The following HCRTR2 variants were observed in gnomAD, a reference collection of about 807,000 sequenced individuals.
The protein encoded by HCRTR2 is orexin receptor type 2.
A neutral mutation model predicts 49.0 loss-of-function variants in HCRTR2; 22 were observed. That is an observed-to-expected ratio of 0.45 (90% CI 0.32 to 0.64). The LOEUF (loss-of-function observed/expected upper bound fraction) is 0.64. HCRTR2 is among the 30% of genes least tolerant of loss of function. HCRTR2 has a pLI of 0.04. For missense variants in HCRTR2, 491 were observed against 559.4 expected, an observed-to-expected ratio of 0.88 and a Z score of 1.23; for synonymous variants, 236 against 205.3, an observed-to-expected ratio of 1.15 and a Z score of -1.28.
chr6:55,281,312 TA>T (rs1338533491), intron 6 of HCRTR2, among the ~76,000 whole-genome samples: 4 of 151,766 alleles, frequency 2.6e-5, no homozygotes, highest in South Asian at 2.1e-4. Context: ...TTGTTCTATT[TA>T]AAAAAAAATC....
chr6:55,147,683 ACTT>A (rs767518538), intron 1 of HCRTR2, among the ~76,000 whole-genome samples: 9 of 152,156 alleles, frequency 5.9e-5, no homozygotes, highest in Admixed American at 2.0e-4. Flanking sequence ...TGGGTTTGAT[ACTT>A]CTTCTTTTTA....
At chr6:55,278,279 T>TA (rs1231756947) in intron 5 of HCRTR2, among the ~76,000 whole-genome samples, 1 of 152,228 alleles carries the variant, frequency 6.6e-6, no homozygotes, top group African/African-American at 2.4e-5. Context: ...TGGTACACAC[T>TA]AAACTTCATG....
intron 1 of HCRTR2, among the ~76,000 whole-genome samples, chr6:55,123,723 C>G (rs1158263968): frequency 3.3e-5 from 5 of 152,174 alleles, no homozygotes; most frequent in African/African-American, 4.8e-5. Context: ...TTTTCTACCT[C>G]TGGTAGAATT....
At chr6:55,280,262 C>T in intron 5 of HCRTR2, 61 bp from the exon 6 acceptor site, 2 of 1,129,186 alleles carry the variant, frequency 1.8e-6, no homozygotes, top group Non-Finnish European at 2.7e-6. Context: ...TACCAATAGC[C>T]TTGTTCACCT....
intron 4 of HCRTR2, among the ~76,000 whole-genome samples, chr6:55,274,884 T>G (rs1767048300): frequency 6.6e-6 from 1 of 152,162 alleles, no homozygotes; most frequent in Admixed American, 6.6e-5. Context: ...TTCTGTACAT[T>G]TCATTAAAAG....
chr6:55,184,768 C>A (rs1223392281), intron 1 of HCRTR2, among the ~76,000 whole-genome samples: 1 of 152,066 alleles, frequency 6.6e-6, no homozygotes, highest in Non-Finnish European at 1.5e-5. Flanking sequence ...TTATAATATC[C>A]TTTTGTAGAT....
At chr6:55,219,298 A>G (rs1053168465) in intron 1 of HCRTR2, among the ~76,000 whole-genome samples, 1 of 152,250 alleles carries the variant, frequency 6.6e-6, no homozygotes, top group African/African-American at 2.4e-5. Context: ...ATGCTGTGTC[A>G]CAAAACATGT....
chr6:55,161,941 C>T (rs529703047), intron 1 of HCRTR2, among the ~76,000 whole-genome samples: 1 of 152,118 alleles, frequency 6.6e-6, no homozygotes, highest in Non-Finnish European at 1.5e-5. Flanking sequence ...TGAAACTATT[C>T]CAAACAACAG....
chr6:55,140,409 G>A (rs1764491248), intron 1 of HCRTR2, among the ~76,000 whole-genome samples: 1 of 152,060 alleles, frequency 6.6e-6, no homozygotes, highest in Admixed American at 6.6e-5. Context: ...TACTCTCCAA[G>A]CTCTTCACTC....
intron 1 of HCRTR2, among the ~76,000 whole-genome samples, chr6:55,113,351 A>G (rs1340118157): frequency 6.6e-6 from 1 of 152,136 alleles, no homozygotes; most frequent in African/African-American, 2.4e-5. Context: ...CAACCCACAG[A>G]GTGGGAGAAA....
At chr6:55,167,357 T>G (rs1055882593) in intron 1 of HCRTR2, among the ~76,000 whole-genome samples, 1 of 152,162 alleles carries the variant, frequency 6.6e-6, no homozygotes, top group Admixed American at 6.5e-5. Context: ...GAGTTCATTG[T>G]ATGTATATTT....
rs181928504 is a variant in HCRTR2, at chr6:55,179,876, C to T, written c.223+5066C>T. 1.4e-4 allele frequency among the ~76,000 whole-genome samples: 21 copies of T among 152,244 alleles called. No homozygotes were observed. In the South Asian group the frequency reaches 1.5e-3, roughly 11 times the overall value. ...TCTCAAAGTCTCCATATTCTCACTC[C>T]GCTCCGAAACATCCACTGCTGATGT... On this transcript the variant is annotated intron_variant, in intron 1 of 6. Coordinates refer to ENST00000370862, the MANE Select transcript of HCRTR2 (RefSeq NM_001384272.1).
chr6:55,269,014 C>G (rs1046095367), intron 4 of HCRTR2, among the ~76,000 whole-genome samples: 5 of 144,212 alleles, frequency 3.5e-5, no homozygotes, highest in Non-Finnish European at 7.5e-5. Flanking sequence ...GGCGTGAACC[C>G]GGGGGGTGGA....
rs183155863 is a variant in HCRTR2 at position 55,265,188 on chromosome 6, G to A, written c.762+1366G>A. On this transcript the variant is annotated intron_variant, in intron 4 of 6. Transcript: ENST00000370862. ...TAATGTGGACCACTATAAAATATGAGTGGTGATTTTCTAGATGTTGGTGAC... is the reference window on the plus strand; with the variant it reads ...TAATGTGGACCACTATAAAATATGAATGGTGATTTTCTAGATGTTGGTGAC... Among the ~76,000 whole-genome samples, 303 of 152,160 alleles carry A rather than the reference G, an allele frequency of 2.0e-3. 1 individual carries two copies. Among genetic ancestry groups the A allele is most frequent in the African/African-American group, 7.1e-3 (293 of 41,526 alleles).
intron 1 of HCRTR2, among the ~76,000 whole-genome samples, chr6:55,168,744 A>C (rs920572918): frequency 6.6e-6 from 1 of 151,856 alleles, no homozygotes; most frequent in South Asian, 2.1e-4. Context: ...TTTTTTTTTA[A>C]GTTTTTCATA....
chr6:55,247,159 T>C (rs1261756527), intron 1 of HCRTR2, among the ~76,000 whole-genome samples: 2 of 152,102 alleles, frequency 1.3e-5, no homozygotes, highest in African/African-American at 4.8e-5. Context: ...TATGTGTGTG[T>C]GTGTGTTTCA....
intron 3 of HCRTR2, among the ~76,000 whole-genome samples, chr6:55,263,306 G>C (rs528027571): frequency 2.3e-4 from 35 of 152,114 alleles, no homozygotes; most frequent in East Asian, 9.7e-4. Flanking sequence ...CAAAGCATTA[G>C]TTTTTAGGTT....
chr6:55,155,671 C>T (rs1460985871), intron 1 of HCRTR2, among the ~76,000 whole-genome samples: 1 of 151,974 alleles, frequency 6.6e-6, no homozygotes, highest in Admixed American at 6.6e-5. Context: ...ACATTTTCTA[C>T]ATGCATAATG....
At chr6:55,146,209 T>C (rs915269421) in intron 1 of HCRTR2, among the ~76,000 whole-genome samples, 2 of 152,174 alleles carry the variant, frequency 1.3e-5, no homozygotes. Flanking sequence ...TTATATGGAA[T>C]TGGCATATAT....
Sources: gnomAD v4.1 joint callset for allele counts (sites outside exome capture counted in the v4.1 genomes callset) on GRCh38, gnomAD v4.1.1 for gene constraint, MANE v1.5 for transcripts, NCBI Gene and HGNC (gene_info 2026-07-23, HGNC 2026-07-21) for gene names.